GPRIN3: variants seen among roughly 807,000 people sequenced by gnomAD.
GPRIN3 encodes GPRIN family member 3.
GPRIN3 carries 12 observed loss-of-function variants against 13.7 expected under a neutral mutation model. The ratio of observed to expected loss-of-function variants is 0.87; its 90% CI spans 0.56 to 1.42. The LOEUF (loss-of-function observed/expected upper bound fraction) is 1.42. GPRIN3 is among the 40% of genes most tolerant of loss of function. GPRIN3 has a pLI of 0.00. For synonymous variants in GPRIN3, 377 were observed against 372.7 expected (o/e 1.01, Z -0.13); for missense variants, 1,009 against 958.7 (o/e 1.05, Z -0.69).
chr4:89,301,235 T>C (rs1403465086), intron 1 of GPRIN3, among the ~76,000 whole-genome samples: 1 of 152,186 alleles, frequency 6.6e-6, no homozygotes, highest in Non-Finnish European at 1.5e-5. Flanking sequence ...GTGAGTCAAA[T>C]GTCTTTTGCA....
chr4:89,279,018 T>C (rs1183119250), intron 1 of GPRIN3, among the ~76,000 whole-genome samples: 1 of 152,146 alleles, frequency 6.6e-6, no homozygotes, highest in South Asian at 2.1e-4. Flanking sequence ...AGAGGCCCAG[T>C]TGGGCCTTGA....
At chr4:89,276,485 G>GA (rs555656731) in intron 1 of GPRIN3, among the ~76,000 whole-genome samples, 7 of 152,124 alleles carry the variant, frequency 4.6e-5, no homozygotes, top group Non-Finnish European at 1.0e-4. Context: ...GAGACTAGTT[G>GA]AAAAAGACAC....
chr4:89,306,543 A>G (rs1168665974), intron 1 of GPRIN3, among the ~76,000 whole-genome samples: 2 of 152,196 alleles, frequency 1.3e-5, no homozygotes, highest in Non-Finnish European at 2.9e-5. Context: ...ATGGATCTTT[A>G]AACAAATGTG....
chr4:89,289,057 A>T (rs2110012564), intron 1 of GPRIN3, among the ~76,000 whole-genome samples: 1 of 151,560 alleles, frequency 6.6e-6, no homozygotes, highest in Non-Finnish European at 1.5e-5. Context: ...CCTTAGATCA[A>T]ACTAATTCGT....
chr4:89,289,505 A>G (rs759890682), intron 1 of GPRIN3, among the ~76,000 whole-genome samples: 12 of 152,190 alleles, frequency 7.9e-5, no homozygotes, highest in Admixed American at 6.5e-4. Flanking sequence ...TCAAATGACA[A>G]TAACTGTTAC....
At chr4:89,280,695 G>T (rs903925815) in intron 1 of GPRIN3, among the ~76,000 whole-genome samples, 1 of 152,130 alleles carries the variant, frequency 6.6e-6, no homozygotes, top group East Asian at 1.9e-4. Flanking sequence ...AGTCATACAG[G>T]GTTAGGGTGG....
rs937547876 is a variant in GPRIN3 at position 89,249,333 on chromosome 4, T to G, written c.778A>C (p.Thr260Pro). 1.2e-6 allele frequency: 2 copies of G among 1,614,152 alleles called. No homozygotes were observed. Among genetic ancestry groups the G allele is most frequent in the Non-Finnish European group, 1.7e-6 (2 of 1,180,002 alleles). ...GTTGGTTGAGGTGTCACAGAAGTTG[T>G]GCCTTGGGGGCCCGAGGCAGTGACA... ...PSVTASGPQG[T>P]TSVTPQPTPL... The change falls in exon 2 of 2, where the codon ACA becomes CCA. Residue 260 changes from threonine (T) to proline (P), a missense_variant. Physicochemically the swap from Thr to Pro is conservative, Grantham distance 38. Transcript: ENST00000609438.
intron 1 of GPRIN3, among the ~76,000 whole-genome samples, chr4:89,269,589 G>A (rs1419757940): frequency 1.3e-5 from 2 of 152,166 alleles, no homozygotes; most frequent in Non-Finnish European, 2.9e-5. Context: ...CAAGATACAA[G>A]AGATGATTAT....
rs747348083 is a variant in GPRIN3, at chr4:89,247,809, G to C, written c.2302C>G (p.Arg768Gly). 3 of 1,613,376 alleles carry C rather than the reference G, an allele frequency of 1.9e-6. No individual in the cohort carries two copies. In the Admixed American group the frequency reaches 5.0e-5, roughly 27 times the overall value. Residue 768 changes from arginine (R) to glycine (G), a missense_variant, in exon 2 of 2, where the codon CGT becomes GGT. Coordinates refer to ENST00000609438, the MANE Select transcript of GPRIN3 (RefSeq NM_198281.3). ...QNFRRPNCCV[R>G]PAPSSVLD ...TCTAACACAGAAGACGGGGCAGGACGGACGCAGCAGTTGGGGCGTCGGAAG... is the reference window on the plus strand; with the variant it reads ...TCTAACACAGAAGACGGGGCAGGACCGACGCAGCAGTTGGGGCGTCGGAAG...
In GPRIN3 at chr4:89,244,128, A is replaced by G. The variant is rs1008406497; in HGVS notation, c.*3652T>C. On this transcript the variant is annotated 3_prime_UTR_variant, in exon 2 of 2. Coordinates refer to ENST00000609438, the MANE Select transcript of GPRIN3 (RefSeq NM_198281.3). ...GGCATTCCCAGAAATGAGAGGAAAA[A>G]CATTAGTATAAGCTAGGAACAGTGA... 1.2e-4 allele frequency: 19 copies of G among 152,330 alleles called. No individual in the cohort carries two copies. The highest frequency in any genetic ancestry group is 4.6e-4 in the African/African-American group (19 of 41,584). The allele number at this position is 152,330 out of a possible 1,614,324, so 9.4% of individuals were successfully genotyped here.
chr4:89,266,333 C>T (rs1208912943), intron 1 of GPRIN3, among the ~76,000 whole-genome samples: 1 of 152,154 alleles, frequency 6.6e-6, no homozygotes, highest in African/African-American at 2.4e-5. Flanking sequence ...GGAATCCTGG[C>T]AGCTGGTGGG....
intron 1 of GPRIN3, among the ~76,000 whole-genome samples, chr4:89,262,355 A>G (rs1035969917): frequency 2.5e-4 from 38 of 152,164 alleles, no homozygotes; most frequent in African/African-American, 8.4e-4. Flanking sequence ...CAGAGAAGGA[A>G]GATGGTGCTT....
chr4:89,267,873 T>C (rs552652088), intron 1 of GPRIN3, among the ~76,000 whole-genome samples: 3 of 152,196 alleles, frequency 2.0e-5, no homozygotes, highest in African/African-American at 2.4e-5. Context: ...GGGTGGGTTG[T>C]CCTGAAAGCT....
rs1488570449 is a variant in GPRIN3 at position 89,244,011 on chromosome 4, A to G, written c.*3769T>C. 1 of 152,232 alleles carries G rather than the reference A, an allele frequency of 6.6e-6. No individual in the cohort carries two copies. The highest frequency in any genetic ancestry group is 1.5e-5 in the Non-Finnish European group (1 of 68,036). 9.4% of individuals were successfully genotyped at this position (152,232 alleles called of 1,614,324 possible). A position where few individuals can be genotyped will look rare whatever the true frequency, so the allele number is the denominator to read the frequency against. ...AAAAGGACAAACAATTTATATTAAC[A>G]GCACACTTGCATATATCCTCTGTAA... On this transcript the variant is annotated 3_prime_UTR_variant, in exon 2 of 2. Transcript: ENST00000609438.
Position 89,248,382 on chromosome 4 carries a change from C to T in GPRIN3, c.1729G>A (p.Ala577Thr), listed in dbSNP as rs1318855031. ...ATTGGGGAGGGTGTAGGATTAGCAGCTGATTCTGTGCCTCCACTTTCTTGG... is the reference window on the plus strand; with the variant it reads ...ATTGGGGAGGGTGTAGGATTAGCAGTTGATTCTGTGCCTCCACTTTCTTGG... ...KSQESGGTESAANPTPSPIRK... is the reference protein window; with the variant it reads ...KSQESGGTESTANPTPSPIRK... Residue 577 changes from alanine to threonine, a missense_variant, in exon 2 of 2, where the codon GCT (alanine) becomes ACT (threonine). Coordinates refer to ENST00000609438, the MANE Select transcript of GPRIN3 (RefSeq NM_198281.3). The T allele has an allele frequency of 3.1e-6, 5 of 1,614,030 alleles. No homozygotes were observed. Among genetic ancestry groups the T allele is most frequent in the Non-Finnish European group, 4.2e-6 (5 of 1,180,032 alleles).
intron 1 of GPRIN3, among the ~76,000 whole-genome samples, chr4:89,277,257 G>A (rs1397994668): frequency 6.6e-6 from 1 of 152,090 alleles, no homozygotes; most frequent in Non-Finnish European, 1.5e-5. Flanking sequence ...CTTCATTTGT[G>A]GGCTAAATTC....
chr4:89,258,978 G>A (rs1177679803), intron 1 of GPRIN3, among the ~76,000 whole-genome samples: 1 of 152,338 alleles, frequency 6.6e-6, no homozygotes, highest in African/African-American at 2.4e-5. Context: ...ACAATCGTGA[G>A]TTATTATTCT....
Position 89,236,584 on chromosome 4 carries a change from T to C in GPRIN3, c.*11196A>G, listed in dbSNP as rs1008694926. 2 of 152,170 alleles carry C rather than the reference T, an allele frequency of 1.3e-5. No individual in the cohort carries two copies. Among genetic ancestry groups the C allele is most frequent in the African/African-American group, 2.4e-5 (1 of 41,446 alleles). 9.4% of individuals were successfully genotyped at this position (152,170 alleles called of 1,614,324 possible). On this transcript the variant is annotated 3_prime_UTR_variant, in exon 2 of 2. Transcript: ENST00000609438. ...AGCATTGTTATTCTCAGTTTCCAGA[T>C]GAATGCACTGAAATAATTTGGATAT...
chr4:89,257,300 C>T (rs949065245), intron 1 of GPRIN3, among the ~76,000 whole-genome samples: 5 of 152,136 alleles, frequency 3.3e-5, no homozygotes, highest in African/African-American at 1.2e-4. Flanking sequence ...AGCGCATGGC[C>T]TGTTATCTTA....
Sources: allele counts gnomAD v4.1 joint callset (sites outside exome capture counted in the v4.1 genomes callset), GRCh38; gene constraint gnomAD v4.1.1; transcripts MANE v1.5; gene names NCBI Gene and HGNC (gene_info 2026-07-23, HGNC 2026-07-21).